CSMD1: variants seen among roughly 807,000 people sequenced by gnomAD.
CSMD1 encodes the protein CUB and sushi domain-containing protein 1.
CSMD1 carries 213 observed loss-of-function variants against 417.5 expected under a neutral mutation model. That is an observed-to-expected ratio of 0.51 (90% CI 0.46 to 0.57). The LOEUF (loss-of-function observed/expected upper bound fraction) is 0.57, where lower values mean the gene tolerates loss of function less well. Ranked by LOEUF, CSMD1 falls within the 20% of genes least tolerant of loss-of-function variation. The pLI is 0.00. For missense variants in CSMD1, 6,923 were observed against 4,529.7 expected, an observed-to-expected ratio of 1.53 and a Z score of -15.17; for synonymous variants, 2,862 against 1,736.8, an observed-to-expected ratio of 1.65 and a Z score of -16.11.
rs1008813357 is a variant in CSMD1 at position 4,316,733 on chromosome 8, G to A, written c.415+103220C>T. 3.9e-5 allele frequency among the ~76,000 whole-genome samples: 6 copies of A among 152,030 alleles called. No individual in the cohort carries two copies. In the East Asian group the frequency reaches 7.7e-4, roughly 20 times the overall value. On this transcript the variant is annotated intron_variant, in intron 3 of 69. Coordinates refer to ENST00000635120, the MANE Select transcript of CSMD1 (RefSeq NM_033225.6). ...AAATAATGGGATTTTCAGAACGATA[G>A]TTAAATAAGAAAGTGGTCGAACGCC...
intron 12 of CSMD1, among the ~76,000 whole-genome samples, chr8:3,460,909 T>G (rs999496590): frequency 1.3e-5 from 2 of 152,092 alleles, no homozygotes; most frequent in Non-Finnish European, 2.9e-5. Context: ...ACATGACCAC[T>G]TGTGGTCCCA....
chr8:3,274,443 T>G (rs1268692587), intron 26 of CSMD1, among the ~76,000 whole-genome samples: 1 of 152,162 alleles, frequency 6.6e-6, no homozygotes, highest in Non-Finnish European at 1.5e-5. Context: ...GTCTATTAGG[T>G]CCGCTTGGTG....
intron 8 of CSMD1, among the ~76,000 whole-genome samples, chr8:3,614,530 C>G (rs563080021): frequency 6.6e-6 from 1 of 152,332 alleles, no homozygotes; most frequent in South Asian, 2.1e-4. Flanking sequence ...TGAATATTCA[C>G]AACTTCCCTG....
chr8:4,159,928 G>A (rs538785496), intron 3 of CSMD1, among the ~76,000 whole-genome samples: 1 of 151,990 alleles, frequency 6.6e-6, no homozygotes, highest in South Asian at 2.1e-4. Flanking sequence ...AAAAACTTTC[G>A]GGCCTTGAGG....
rs117873202 is a variant in CSMD1, at chr8:3,555,023, G to C, written c.1344+19922C>G. Among the ~76,000 whole-genome samples, 470 of 152,202 alleles carry C rather than the reference G, an allele frequency of 3.1e-3. 7 individuals carry two copies. Among genetic ancestry groups the C allele is most frequent in the Admixed American group, 0.022 (340 of 15,300 alleles). ...CATAAGCTGAGGAGGAAGGGAAGAA[G>C]ACTGTGCGTGAGGAGTCCTCCGCCA... On this transcript the variant is annotated intron_variant, in intron 10 of 69. Transcript: ENST00000635120.
At chr8:4,402,676 T>G (rs537774304) in intron 3 of CSMD1, among the ~76,000 whole-genome samples, 1 of 152,170 alleles carries the variant, frequency 6.6e-6, no homozygotes, top group African/African-American at 2.4e-5. Flanking sequence ...TGCCCATTAC[T>G]TCATGGAGAA....
chr8:4,937,329 T>C (rs1375983408), intron 1 of CSMD1, among the ~76,000 whole-genome samples: 1 of 152,206 alleles, frequency 6.6e-6, no homozygotes, highest in East Asian at 1.9e-4. Context: ...CTTTCCACTG[T>C]TTGTTTTTGT....
intron 5 of CSMD1, among the ~76,000 whole-genome samples, chr8:3,798,598 A>C (rs1170178579): frequency 6.6e-6 from 1 of 152,150 alleles, no homozygotes; most frequent in Admixed American, 6.6e-5. Flanking sequence ...TATAAATAAA[A>C]TATTAACTTT....
At chr8:4,222,492 A>T (rs1037058511) in intron 3 of CSMD1, among the ~76,000 whole-genome samples, 1 of 152,214 alleles carries the variant, frequency 6.6e-6, no homozygotes, top group African/African-American at 2.4e-5. Flanking sequence ...TCAGTCAATA[A>T]TATAGTTGTT....
At chr8:3,402,396 G>A (rs1053129530) in intron 15 of CSMD1, among the ~76,000 whole-genome samples, 7 of 152,086 alleles carry the variant, frequency 4.6e-5, no homozygotes, top group African/African-American at 9.7e-5. Flanking sequence ...CAGAGTTGGT[G>A]TTTTCATGTA....
At chr8:3,886,278 AC>A (rs994532307) in intron 5 of CSMD1, among the ~76,000 whole-genome samples, 2 of 152,116 alleles carry the variant, frequency 1.3e-5, no homozygotes, top group Non-Finnish European at 2.9e-5. Flanking sequence ...CAAACTCCTG[AC>A]CTCAAGTAAT....
At chr8:3,994,688 G>C (rs994159984) in intron 5 of CSMD1, among the ~76,000 whole-genome samples, 1 of 151,856 alleles carries the variant, frequency 6.6e-6, no homozygotes, top group African/African-American at 2.4e-5. Context: ...CGAACCCAAC[G>C]TATGTTTAAT....
intron 2 of CSMD1, among the ~76,000 whole-genome samples, chr8:4,431,479 A>C (rs1345219258): frequency 6.6e-6 from 1 of 152,104 alleles, no homozygotes; most frequent in Non-Finnish European, 1.5e-5. Context: ...AGAGAGAAGA[A>C]AGTAGAGAGA....
chr8:4,984,396 G>A lies in CSMD1; in HGVS notation c.85+9936C>T, dbSNP rs564849739. On this transcript the variant is annotated intron_variant, in intron 1 of 69. Coordinates refer to ENST00000635120, the MANE Select transcript of CSMD1 (RefSeq NM_033225.6). ...TCCCATGACAGTAGTGTACGCTTCC[G>A]ATCCGACCTTCAGCTTTAAAGAGCA... Among the ~76,000 whole-genome samples the A allele has an allele frequency of 4.6e-5, 7 of 152,324 alleles. No homozygotes were observed. In the East Asian group the frequency reaches 5.8e-4, roughly 13 times the overall value.
intron 3 of CSMD1, among the ~76,000 whole-genome samples, chr8:4,057,791 C>T (rs1380035107): frequency 2.0e-5 from 3 of 152,122 alleles, no homozygotes; most frequent in African/African-American, 7.2e-5. Context: ...TAAATAGGGA[C>T]TCCTTTCCCC....
intron 1 of CSMD1, among the ~76,000 whole-genome samples, chr8:4,757,584 C>G (rs773742887): frequency 6.6e-6 from 1 of 152,152 alleles, no homozygotes; most frequent in Non-Finnish European, 1.5e-5. Context: ...TGAGCAATAG[C>G]CTACAGGAGA....
intron 8 of CSMD1, among the ~76,000 whole-genome samples, chr8:3,605,794 ACC>A (rs756761221): frequency 6.6e-6 from 1 of 152,112 alleles, no homozygotes; most frequent in Non-Finnish European, 1.5e-5. Flanking sequence ...CACTCTTTCA[ACC>A]CCCAAATTCC....
intron 1 of CSMD1, among the ~76,000 whole-genome samples, chr8:4,823,547 A>T (rs10098012): frequency 0.091 from 13,836 of 152,098 alleles, 855 homozygotes; most frequent in African/African-American, 0.18. Flanking sequence ...CACTTAGTCC[A>T]AGCCCTCGTA....
intron 5 of CSMD1, among the ~76,000 whole-genome samples, chr8:3,899,064 A>G (rs1393411555): frequency 6.6e-6 from 1 of 152,228 alleles, no homozygotes; most frequent in Non-Finnish European, 1.5e-5. Context: ...GGTCAATAAA[A>G]TGAGGAATAA....
Sources: allele counts gnomAD v4.1 joint callset (sites outside exome capture counted in the v4.1 genomes callset), GRCh38; gene constraint gnomAD v4.1.1; transcripts MANE v1.5; gene names NCBI Gene and HGNC (gene_info 2026-07-23, HGNC 2026-07-21).